MGA: variants seen among roughly 807,000 people sequenced by gnomAD.
The protein encoded by MGA is MAX gene-associated protein.
In MGA, 40 loss-of-function variants were observed where a neutral mutation model predicts 261.1. The observed-to-expected ratio is 0.15, with a 90% confidence interval of 0.12 to 0.20. The LOEUF (loss-of-function observed/expected upper bound fraction) is 0.20, where lower values mean the gene tolerates loss of function less well. Among genes scored for constraint, MGA ranks in the 10% least tolerant of loss-of-function variants. MGA has a pLI of 1.00. For synonymous variants in MGA, 1,302 were observed against 1,290.6 expected, an observed-to-expected ratio of 1.01 and a Z score of -0.19; for missense variants, 3,397 against 3,630.5, an observed-to-expected ratio of 0.94 and a Z score of 1.65.
At chr15:41,661,341 C>A (rs570181231) in intron 1 of MGA, among the ~76,000 whole-genome samples, 1 of 149,770 alleles carries the variant, frequency 6.7e-6, no homozygotes, top group Non-Finnish European at 1.5e-5. Flanking sequence ...ATCACCCCCC[C>A]ACCGCCCCCC....
chr15:41,739,836 C>T, intron 13 of MGA, 70 bp from the exon 14 acceptor site: 2 of 1,437,388 alleles, frequency 1.4e-6, no homozygotes, highest in Non-Finnish European at 1.9e-6. Flanking sequence ...AAAATGAAGC[C>T]CCTGTCAAGG....
chr15:41,745,216 C>G (rs563277756), intron 15 of MGA, among the ~76,000 whole-genome samples: 161 of 150,562 alleles, frequency 1.1e-3, no homozygotes, highest in African/African-American at 3.8e-3. Flanking sequence ...CATTGACCTT[C>G]CCTCCACTAT....
At position 41,686,018 on chromosome 15, in the gene MGA, AAT is replaced by A. The variant is rs202245627; in HGVS notation, c.1065-10055_1065-10054del. Among the ~76,000 whole-genome samples the A allele has an allele frequency of 1.4e-3, 205 of 146,756 alleles. 1 individual carries two copies. Among genetic ancestry groups the A allele is most frequent in the Middle Eastern group, 0.011 (3 of 280 alleles). On this transcript the variant is annotated intron_variant, in intron 2 of 23. Transcript: ENST00000219905. ...AGACTCTGTCTCAAAAAAAAAAAAA[AAT>A]AATAATAATAATTTCCCAATTTTTT...
intron 15 of MGA, among the ~76,000 whole-genome samples, chr15:41,744,055 A>T (rs746544606): frequency 1.3e-5 from 2 of 152,120 alleles, no homozygotes; most frequent in Non-Finnish European, 2.9e-5. Context: ...TTGGTTATTG[A>T]TGTTTTCTCT....
intron 2 of MGA, among the ~76,000 whole-genome samples, chr15:41,675,647 G>T (rs1243994493): frequency 6.6e-6 from 1 of 152,150 alleles, no homozygotes; most frequent in Non-Finnish European, 1.5e-5. Flanking sequence ...AAATTGTTGG[G>T]ATTACGGGAG....
Position 41,682,419 on chromosome 15 carries a change from A to AT in MGA, c.1064+12465dup, listed in dbSNP as rs535603874. Among the ~76,000 whole-genome samples, 5 of 152,110 alleles carry AT rather than the reference A, an allele frequency of 3.3e-5. No homozygotes were observed. In the East Asian group the frequency reaches 9.7e-4, roughly 29 times the overall value. Reference sequence around the variant, plus strand: ...GCCCCTACCAAGCTGCCATCTTGGGATTTTCCTTTGCTATCATCCTGCTAA... The same window carrying AT: ...GCCCCTACCAAGCTGCCATCTTGGGATTTTTCCTTTGCTATCATCCTGCTAA... On this transcript the variant is annotated intron_variant, in intron 2 of 23. Transcript: ENST00000219905.
At position 41,730,798 on chromosome 15, in the gene MGA, A is replaced by G. The variant is rs573484772; in HGVS notation, c.3843+1449A>G. Among the ~76,000 whole-genome samples the G allele has an allele frequency of 7.9e-5, 12 of 152,358 alleles. No homozygotes were observed. In the East Asian group the frequency reaches 2.3e-3, roughly 29 times the overall value. On this transcript the variant is annotated intron_variant, in intron 11 of 23. Coordinates refer to ENST00000219905, the MANE Select transcript of MGA (RefSeq NM_001164273.2). ...TGCTGCAACTGATAATATTCAAAGT[A>G]AATCCCTCCTGGTTTAGTGTTCTAA... is the stretch of plus-strand genomic sequence containing the variant.
chr15:41,646,231 G>A (rs908672778), intron 1 of MGA, among the ~76,000 whole-genome samples: 2 of 152,114 alleles, frequency 1.3e-5, no homozygotes, highest in African/African-American at 4.8e-5. Context: ...GCTAATAGAG[G>A]TGATATTCAG....
chr15:41,674,122 C>A (rs1014525417), intron 2 of MGA, among the ~76,000 whole-genome samples: 3 of 152,102 alleles, frequency 2.0e-5, no homozygotes, highest in Admixed American at 1.3e-4. Context: ...GAACTCTTGA[C>A]CTCAGGTGAC....
rs1409518920 is a variant in MGA, at chr15:41,740,201, T to TTGGTAAGTTGGGGTGTATGTA, written c.4585+3_4585+23dup. The stretch of plus-strand genomic sequence containing the variant: ...GCGTTTGTCCCAGCAAAACGGCCAA[T>TTGGTAAGTTGGGGTGTATGTA]TGGTAAGTTGGGGTGTATGTATGGT... On this transcript the variant is annotated inframe_insertion and splice_region_variant, in exon 14 of 24. Transcript: ENST00000219905. 1 of 1,613,588 alleles carries TTGGTAAGTTGGGGTGTATGTA rather than the reference T, an allele frequency of 6.2e-7. No homozygotes were observed. Among genetic ancestry groups the TTGGTAAGTTGGGGTGTATGTA allele is most frequent in the East Asian group, 2.2e-5 (1 of 44,882 alleles).
At chr15:41,694,074 G>T (rs1566985535) in intron 2 of MGA, among the ~76,000 whole-genome samples, 1 of 151,984 alleles carries the variant, frequency 6.6e-6, no homozygotes, top group Non-Finnish European at 1.5e-5. Flanking sequence ...GGGTCAGTCT[G>T]CTCTGAGCTA....
chr15:41,622,498 A>G (rs574415257), intron 1 of MGA, among the ~76,000 whole-genome samples: 1 of 152,246 alleles, frequency 6.6e-6, no homozygotes, highest in East Asian at 1.9e-4. Flanking sequence ...ATGTCTGTCT[A>G]TCTTTATCAT....
chr15:41,762,409 T>C, intron 22 of MGA, 47 bp downstream of exon 22: 2 of 1,398,604 alleles, frequency 1.4e-6, no homozygotes, highest in Non-Finnish European at 2.0e-6. Flanking sequence ...ATACATCAGT[T>C]GACTTTAGTG....
At chr15:41,700,656 A>T (rs989078155) in intron 5 of MGA, among the ~76,000 whole-genome samples, 2 of 152,050 alleles carry the variant, frequency 1.3e-5, no homozygotes, top group Non-Finnish European at 2.9e-5. Context: ...TATGTTGCTT[A>T]ATCTTTAAAA....
chr15:41,719,914 TAATG>T (rs1484245371), intron 9 of MGA, among the ~76,000 whole-genome samples: 1 of 152,162 alleles, frequency 6.6e-6, no homozygotes, highest in Non-Finnish European at 1.5e-5. Flanking sequence ...ATTAATGAAT[TAATG>T]AATATGGTTA....
chr15:41,760,201 G>C, intron 19 of MGA, 122 bp from the exon 20 acceptor site: 1 of 842,658 alleles, frequency 1.2e-6, no homozygotes, highest in Non-Finnish European at 1.9e-6. Context: ...CCAATTGAGA[G>C]GCTGTTACAA....
At chr15:41,704,900 T>G (rs190290241) in intron 5 of MGA, among the ~76,000 whole-genome samples, 1 of 152,100 alleles carries the variant, frequency 6.6e-6, no homozygotes, top group Non-Finnish European at 1.5e-5. Flanking sequence ...TTATGAGTCT[T>G]TTTTTGTAAT....
At position 41,668,823 on chromosome 15, in the gene MGA, C is replaced by G; in HGVS notation, c.-67-5C>G. On this transcript the variant is annotated splice_polypyrimidine_tract_variant and splice_region_variant and intron_variant, in intron 1 of 23. Transcript: ENST00000219905. ...GTTTTTGGTTTTTTTTTGCTTGTTT[C>G]TTAGGATGGGAAGGCCATTGTGACT... 1 of 1,153,704 alleles carries G rather than the reference C, an allele frequency of 8.7e-7. No individual in the cohort carries two copies. The highest frequency in any genetic ancestry group is 1.2e-6 in the Non-Finnish European group (1 of 848,916). 71.5% of individuals were successfully genotyped at this position (1,153,704 alleles called of 1,614,324 possible).
In MGA at chr15:41,767,290, T is replaced by A. The variant is rs142393414; in HGVS notation, c.*10T>A. On this transcript the variant is annotated 3_prime_UTR_variant, in exon 24 of 24. Transcript: ENST00000219905. ...TTCTGCAGGGAAATGAACTTACTTG[T>A]CCTTAAGCAGAAGCCAGGCTGTGAG... 4 of 1,592,314 alleles carry A rather than the reference T, an allele frequency of 2.5e-6. No individual in the cohort carries two copies. Among genetic ancestry groups the A allele is most frequent in the Non-Finnish European group, 3.4e-6 (4 of 1,167,338 alleles).
Sources: gnomAD v4.1 joint callset for allele counts (sites outside exome capture counted in the v4.1 genomes callset) on GRCh38, gnomAD v4.1.1 for gene constraint, MANE v1.5 for transcripts, NCBI Gene and HGNC (gene_info 2026-07-23, HGNC 2026-07-21) for gene names.